The following PDE1C variants were observed in gnomAD, a reference collection of about 807,000 sequenced individuals.
The protein encoded by PDE1C is phosphodiesterase 1C, also known as dual specificity calcium/calmodulin-dependent 3',5'-cyclic nucleotide phosphodiesterase 1C.
A neutral mutation model predicts 93.1 loss-of-function variants in PDE1C; 62 were observed. That is an observed-to-expected ratio of 0.67 (90% CI 0.54 to 0.82). The LOEUF (loss-of-function observed/expected upper bound fraction) is 0.82, where lower values mean the gene tolerates loss of function less well. PDE1C is among the 40% of genes least tolerant of loss of function. PDE1C has a pLI of 0.00. For missense variants in PDE1C, 742 were observed against 884.6 expected (o/e 0.84, Z 2.04); for synonymous variants, 325 against 310.1 (o/e 1.05, Z -0.50).
intron 2 of PDE1C, among the ~76,000 whole-genome samples, chr7:31,998,616 G>T (rs1785065954): frequency 6.6e-6 from 1 of 152,124 alleles, no homozygotes; most frequent in Non-Finnish European, 1.5e-5. Context: ...CTATAACACA[G>T]TTAAAGGGAC....
intron 2 of PDE1C, among the ~76,000 whole-genome samples, chr7:32,183,587 G>T (rs890230192): frequency 9.1e-4 from 139 of 152,072 alleles, no homozygotes; most frequent in East Asian, 2.9e-3. Flanking sequence ...CTGGGAAAAC[G>T]GGCTAGCCAT....
chr7:32,179,926 T>G (rs1176026246), intron 2 of PDE1C, among the ~76,000 whole-genome samples: 1 of 152,204 alleles, frequency 6.6e-6, no homozygotes, highest in African/African-American at 2.4e-5. Context: ...AAAACATTAC[T>G]GAAAACCTTC....
At chr7:31,720,373 T>C in the PDE1C span, among the ~76,000 whole-genome samples, 190 of 152,186 alleles carry the variant, frequency 1.2e-3, no homozygotes, top group African/African-American at 4.2e-3. Flanking sequence ...ACTAGGTAAG[T>C]AGGCAGCTCC....
intron 3 of PDE1C, among the ~76,000 whole-genome samples, chr7:32,080,165 G>T (rs1366256112): frequency 5.3e-5 from 8 of 152,186 alleles, no homozygotes; most frequent in African/African-American, 1.9e-4. Context: ...GGCCTGTGAT[G>T]AGGTCAGGAG....
chr7:31,967,176 T>A (rs578250624), intron 2 of PDE1C, among the ~76,000 whole-genome samples: 85 of 152,312 alleles, frequency 5.6e-4, no homozygotes, highest in African/African-American at 1.9e-3. Context: ...CAGGAGCTGC[T>A]TTTTTGAAAC....
intron 1 of PDE1C, among the ~76,000 whole-genome samples, chr7:32,255,811 G>T (rs1809748361): frequency 6.6e-6 from 1 of 152,232 alleles, no homozygotes; most frequent in African/African-American, 2.4e-5. Context: ...CCAGAGTTAA[G>T]CATGCATGGT....
intron 6 of PDE1C, among the ~76,000 whole-genome samples, chr7:31,866,737 G>T (rs1313015294): frequency 6.6e-6 from 1 of 152,108 alleles, no homozygotes; most frequent in Non-Finnish European, 1.5e-5. Context: ...CCTAAAGCAA[G>T]GAAGGAGAGA....
At chr7:32,191,331 A>T (rs1314671320) in intron 2 of PDE1C, among the ~76,000 whole-genome samples, 1 of 150,158 alleles carries the variant, frequency 6.7e-6, no homozygotes, top group Non-Finnish European at 1.5e-5. Context: ...AAAGATTTCC[A>T]TCACCACAAA....
At chr7:32,349,832 T>C (rs1783925043) in intron 1 of PDE1C, among the ~76,000 whole-genome samples, 1 of 152,106 alleles carries the variant, frequency 6.6e-6, no homozygotes, top group Non-Finnish European at 1.5e-5. Context: ...GTTTCACCCA[T>C]ATTAGCCAGG....
chr7:31,659,128 T>A, the PDE1C span, among the ~76,000 whole-genome samples: 1 of 152,174 alleles, frequency 6.6e-6, no homozygotes, highest in Admixed American at 6.5e-5. Flanking sequence ...TTTCCAGTAT[T>A]CTCTATCCCT....
At chr7:31,731,857 C>T in the PDE1C span, among the ~76,000 whole-genome samples, 2 of 152,184 alleles carry the variant, frequency 1.3e-5, no homozygotes, top group Admixed American at 6.5e-5. Context: ...TATTTCTTTC[C>T]CAGAGTCCTT....
intron 2 of PDE1C, among the ~76,000 whole-genome samples, chr7:32,203,556 C>T (rs1305971324): frequency 6.6e-6 from 1 of 152,172 alleles, no homozygotes; most frequent in Non-Finnish European, 1.5e-5. Context: ...CTAAGTACTC[C>T]AGCTCTTTCA....
intron 1 of PDE1C, among the ~76,000 whole-genome samples, chr7:32,236,737 G>A (rs1808110063): frequency 6.6e-6 from 1 of 152,142 alleles, no homozygotes; most frequent in South Asian, 2.1e-4. Flanking sequence ...CAGCCACTCT[G>A]GAAAACAGCT....
At chr7:31,672,438 T>C in the PDE1C span, among the ~76,000 whole-genome samples, 379 of 152,296 alleles carry the variant, frequency 2.5e-3, 2 homozygotes, top group African/African-American at 8.6e-3. Context: ...CCTTACTCCA[T>C]ACCCTCTCCA....
intron 2 of PDE1C, among the ~76,000 whole-genome samples, chr7:31,994,827 C>G (rs1784534717): frequency 6.6e-6 from 1 of 152,176 alleles, no homozygotes. Context: ...CATAGAATAT[C>G]TGTTCAGTTA....
At chr7:32,038,119 A>G (rs1791355030) in intron 2 of PDE1C, among the ~76,000 whole-genome samples, 1 of 152,210 alleles carries the variant, frequency 6.6e-6, no homozygotes, top group Non-Finnish European at 1.5e-5. Flanking sequence ...TACAGGGATC[A>G]AAAGAATAAC....
At chr7:32,381,646 G>A (rs577403586) in intron 1 of PDE1C, among the ~76,000 whole-genome samples, 9 of 152,084 alleles carry the variant, frequency 5.9e-5, no homozygotes, top group Middle Eastern at 3.2e-3. Context: ...ACATGGTTCC[G>A]TCCATTATCC....
intron 3 of PDE1C, among the ~76,000 whole-genome samples, chr7:32,130,619 C>A (rs1202650397): frequency 1.3e-5 from 2 of 152,094 alleles, no homozygotes; most frequent in South Asian, 2.1e-4. Context: ...TTCCTTAACT[C>A]CCTATGGTCC....
chr7:31,681,378 TGG>T, the PDE1C span, among the ~76,000 whole-genome samples: 1 of 135,228 alleles, frequency 7.4e-6, no homozygotes, highest in Non-Finnish European at 1.5e-5. Flanking sequence ...GACGGATGGA[TGG>T]ATGGATGGAT....
Sources: allele counts gnomAD v4.1 joint callset (sites outside exome capture counted in the v4.1 genomes callset), GRCh38; gene constraint gnomAD v4.1.1; transcripts MANE v1.5; gene names NCBI Gene and HGNC (gene_info 2026-07-23, HGNC 2026-07-21).